TMEM94: variants seen among roughly 807,000 people sequenced by gnomAD.
TMEM94 encodes the protein ER Mg2+ ATPase.
In TMEM94, 81 loss-of-function variants were observed where a neutral mutation model predicts 158.6. The observed-to-expected ratio is 0.51, with a 90% CI of 0.43 to 0.61. The LOEUF (loss-of-function observed/expected upper bound fraction) is 0.61, where lower values mean the gene tolerates loss of function less well. Ranked by LOEUF, TMEM94 falls within the 20% of genes least tolerant of loss-of-function variation. The probability of loss-of-function intolerance (pLI) is 0.00; values close to 1 mark genes in which losing one functional copy is unlikely to be tolerated. For synonymous variants in TMEM94, 751 were observed against 730.7 expected (o/e 1.03, Z -0.45); for missense variants, 1,435 against 1,762.0 (o/e 0.81, Z 3.32).
chr17:75,496,921 C>A, intron 25 of TMEM94, 114 bp downstream of exon 25: 1 of 1,225,768 alleles, frequency 8.2e-7, no homozygotes, highest in Admixed American at 1.8e-5. Context: ...AGGGGTCCCC[C>A]CAGAGCCTCT....
intron 2 of TMEM94, among the ~76,000 whole-genome samples, chr17:75,481,610 A>C (rs1408857341): frequency 6.6e-6 from 1 of 152,206 alleles, no homozygotes; most frequent in Non-Finnish European, 1.5e-5. Flanking sequence ...GACAGGCAGG[A>C]AGGAGTAAGC....
chr17:75,498,671 G>A lies in TMEM94; in HGVS notation c.3776G>A (p.Trp1259Ter), dbSNP rs2052991876. The A allele has an allele frequency of 6.3e-7, 1 of 1,597,432 alleles. No homozygotes were observed. Among genetic ancestry groups the A allele is most frequent in the Non-Finnish European group, 8.5e-7 (1 of 1,171,530 alleles). Reference sequence around the variant, plus strand: ...CATGTGCATCGCACCAAGCCCCTGTGGAGAAAGAGCCCCTTGACCAACCTC... The same window carrying A: ...CATGTGCATCGCACCAAGCCCCTGTAGAGAAAGAGCCCCTTGACCAACCTC... The part of the protein sequence containing the change: ...ITHVHRTKPL[W>*]RKSPLTNLWW... The change falls in exon 30 of 32, where the codon TGG becomes TAG. Residue 1259 changes from tryptophan to a stop codon, truncating the protein, a stop_gained. Coordinates refer to ENST00000314256, the MANE Select transcript of TMEM94 (RefSeq NM_014738.6). LOFTEE classifies it high-confidence loss of function. The surrounding 1 kb of genome is among the most constrained non-coding windows in gnomAD (Gnocchi z 6.7).
rs138633509 is a variant in TMEM94, at chr17:75,493,888, C to T, written c.2379C>T (p.Asn793=). 8.1e-6 allele frequency: 13 copies of T among 1,611,172 alleles called. No individual in the cohort carries two copies. The highest frequency in any genetic ancestry group is 1.6e-4 in the Middle Eastern group (1 of 6,062). The change falls in exon 18 of 32, where the codon AAC becomes AAT. Residue 793 remains asparagine, a synonymous_variant. Transcript: ENST00000314256. ...ELPSTIPIKQ[N]ARRSSWSSDE... ...CCAGCACCATCCCCATCAAGCAGAACGCCCGCCGCAGCAGCTGGAGCTCTG... is the reference window on the plus strand; with the variant it reads ...CCAGCACCATCCCCATCAAGCAGAATGCCCGCCGCAGCAGCTGGAGCTCTG...
intron 2 of TMEM94, among the ~76,000 whole-genome samples, chr17:75,479,405 C>T (rs372553138): frequency 4.4e-4 from 67 of 152,200 alleles, no homozygotes; most frequent in South Asian, 1.0e-3. Context: ...CTGCAACCGC[C>T]GCCTCCTGGG....
chr17:75,495,315 C>G lies in TMEM94; in HGVS notation c.2760C>G (p.Leu920=), dbSNP rs950057604. 6 of 1,613,318 alleles carry G rather than the reference C, an allele frequency of 3.7e-6. No homozygotes were observed. The highest frequency in any genetic ancestry group is 5.1e-6 in the Non-Finnish European group (6 of 1,179,702). ...GAGATGATGCAGAAGGGCTCCTCCT[C>G]ATGGAGGAGGAGGGCCACTCGGACC... The part of the protein sequence containing the change: ...VSRDDAEGLL[L]MEEEGHSDLI... Residue 920 remains leucine, a synonymous_variant, in exon 21 of 32, where the codon CTC becomes CTG. Coordinates refer to ENST00000314256, the MANE Select transcript of TMEM94 (RefSeq NM_014738.6). This position sits in a 1 kb window ranked among gnomAD's most constrained non-coding sequence, Gnocchi z 5.6.
At position 75,488,846 on chromosome 17, in the gene TMEM94, C is replaced by T; in HGVS notation, c.700C>T (p.Pro234Ser). Reference sequence around the variant, plus strand: ...ACCCCGGGGAGAAGTGGAGAGAGGGCCACAGAGCCCCCAGCAGCACCGGCT... The same window carrying T: ...ACCCCGGGGAGAAGTGGAGAGAGGGTCACAGAGCCCCCAGCAGCACCGGCT... ...PSPRGEVERG[P>S]QSPQQHRLFR... Residue 234 changes from proline (P) to serine (S), a missense_variant, in exon 7 of 32, where the codon CCA becomes TCA. Coordinates refer to ENST00000314256, the MANE Select transcript of TMEM94 (RefSeq NM_014738.6). 1.9e-6 allele frequency: 3 copies of T among 1,612,200 alleles called. No individual in the cohort carries two copies. Among genetic ancestry groups the T allele is most frequent in the Non-Finnish European group, 2.5e-6 (3 of 1,178,840 alleles).
At chr17:75,476,780 A>G in intron 2 of TMEM94, 1 of 1,535,570 alleles carries the variant, frequency 6.5e-7, no homozygotes, top group Admixed American at 2.0e-5. Flanking sequence ...CTTCTCTTTA[A>G]AATGCTGTGT....
chr17:75,494,347 CTG>C (rs2052488996), intron 18 of TMEM94, among the ~76,000 whole-genome samples: 1 of 152,214 alleles, frequency 6.6e-6, no homozygotes, highest in South Asian at 2.1e-4. Context: ...ACCCAAGAGA[CTG>C]TGAATTGAAA....
Position 75,495,893 on chromosome 17 carries a change from C to A in TMEM94, c.2945-73C>A. On this transcript the variant is annotated intron_variant, in intron 22 of 31. Coordinates refer to ENST00000314256, the MANE Select transcript of TMEM94 (RefSeq NM_014738.6). This position sits in a 1 kb window ranked among gnomAD's most constrained non-coding sequence, Gnocchi z 5.6. Reference sequence around the variant, plus strand: ...TCCCATCGCCTCCTGCTCTCCTGTCCCATGGGTCTCTGCCCAGTGCCCACT... The same window carrying A: ...TCCCATCGCCTCCTGCTCTCCTGTCACATGGGTCTCTGCCCAGTGCCCACT... 1 of 1,118,762 alleles carries A rather than the reference C, an allele frequency of 8.9e-7. No homozygotes were observed. The highest frequency in any genetic ancestry group is 1.3e-6 in the Non-Finnish European group (1 of 746,222). 69.3% of individuals were successfully genotyped at this position (1,118,762 alleles called of 1,614,324 possible). A position where few individuals can be genotyped will look rare whatever the true frequency, so the allele number is the denominator to read the frequency against.
intron 11 of TMEM94, 125 bp from the exon 12 acceptor site, chr17:75,490,922 CCT>C (rs2052117314): frequency 5.3e-6 from 5 of 938,430 alleles, no homozygotes; most frequent in African/African-American, 1.6e-5. Context: ...GTGTCCACAC[CCT>C]GTCCCAGAGA....
rs569490012 is a variant in TMEM94, at chr17:75,473,785, C to T, written c.24+1856C>T. ...GCTTTAGGCACCAGGGAGGTGGCCC[C>T]GGCTTAGAGAGGCTTATTGTCTAGT... On this transcript the variant is annotated intron_variant, in intron 2 of 31. Transcript: ENST00000314256. Among the ~76,000 whole-genome samples, 8 of 152,244 alleles carry T rather than the reference C, an allele frequency of 5.3e-5. No homozygotes were observed. In the East Asian group the frequency reaches 1.2e-3, roughly 22 times the overall value.
intron 2 of TMEM94, among the ~76,000 whole-genome samples, chr17:75,474,209 A>G (rs2050592434): frequency 6.6e-6 from 1 of 151,884 alleles, no homozygotes; most frequent in African/African-American, 2.4e-5. Context: ...AAATGGACTT[A>G]TAAAGATGAT....
Position 75,495,112 on chromosome 17 carries a change from C to A in TMEM94, c.2728+78C>A, listed in dbSNP as rs2052559420. 6.4e-7 allele frequency: 1 copy of A among 1,557,208 alleles called. No homozygotes were observed. Among genetic ancestry groups the A allele is most frequent in the African/African-American group, 1.4e-5 (1 of 73,544 alleles). ...CCTCAGAGCCACAGCCAGGAAGAGC[C>A]TCCGGAGAGCCCTCCAGTTAAGTAC... On this transcript the variant is annotated intron_variant, in intron 20 of 31. Coordinates refer to ENST00000314256, the MANE Select transcript of TMEM94 (RefSeq NM_014738.6). This position sits in a 1 kb window ranked among gnomAD's most constrained non-coding sequence, Gnocchi z 5.6.
At chr17:75,461,996 G>GTTTTTTTTTTT (rs1212545027) in intron 1 of TMEM94, among the ~76,000 whole-genome samples, 22 of 66,054 alleles carry the variant, frequency 3.3e-4, no homozygotes, top group Non-Finnish European at 5.2e-4. Context: ...AGTTTTTTTT[G>GTTTTTTTTTTT]TTTTGTTTTG....
In TMEM94 at chr17:75,489,131, C is replaced by A; in HGVS notation, c.765-135C>A. On this transcript the variant is annotated intron_variant, in intron 7 of 31. Coordinates refer to ENST00000314256, the MANE Select transcript of TMEM94 (RefSeq NM_014738.6). This position sits in a 1 kb window ranked among gnomAD's most constrained non-coding sequence, Gnocchi z 5.0. ...CTCTGGAGGTGAACACGGGCTAGGG[C>A]CAGGGCAGAGCGTGGAACTGCAGGA... 1 of 967,264 alleles carries A rather than the reference C, an allele frequency of 1.0e-6. No homozygotes were observed. The highest frequency in any genetic ancestry group is 1.6e-6 in the Non-Finnish European group (1 of 632,118). 59.9% of individuals were successfully genotyped at this position (967,264 alleles called of 1,614,324 possible).
intron 5 of TMEM94, 21 bp downstream of exon 5, chr17:75,486,447 A>G (rs2051618675): frequency 3.1e-6 from 5 of 1,614,084 alleles, no homozygotes; most frequent in Non-Finnish European, 4.2e-6. Flanking sequence ...GGGCAGGCAT[A>G]TTGGTGGGAA....
At chr17:75,481,867 G>C (rs1407412565) in intron 2 of TMEM94, among the ~76,000 whole-genome samples, 1 of 152,236 alleles carries the variant, frequency 6.6e-6, no homozygotes, top group Non-Finnish European at 1.5e-5. Context: ...GTCCTGGAAA[G>C]ACTCACTTCT....
intron 1 of TMEM94, among the ~76,000 whole-genome samples, chr17:75,465,679 A>ATATATATATATATATTT: frequency 8.0e-6 from 1 of 124,844 alleles, no homozygotes; most frequent in Non-Finnish European, 1.6e-5. Flanking sequence ...ATATATATAT[A>ATATATATATATATATTT]TTTTTTTTTA....
At chr17:75,478,302 C>T (rs375938635) in intron 2 of TMEM94, among the ~76,000 whole-genome samples, 3 of 134,818 alleles carry the variant, frequency 2.2e-5, no homozygotes, top group Non-Finnish European at 3.1e-5. Flanking sequence ...CAGGCGTGAG[C>T]CACCGCGCCC....
Sources: allele counts gnomAD v4.1 joint callset (sites outside exome capture counted in the v4.1 genomes callset), GRCh38; gene constraint gnomAD v4.1.1; non-coding constraint Gnocchi (gnomAD v3.1); transcripts MANE v1.5; gene names NCBI Gene and HGNC (gene_info 2026-07-23, HGNC 2026-07-21).